Variants in HIBADH observed in about 807,000 individuals in gnomAD.
HIBADH encodes the protein 3-hydroxyisobutyrate dehydrogenase, also known as 3-hydroxyisobutyrate dehydrogenase, mitochondrial.
In HIBADH, 25 loss-of-function variants were observed where a neutral mutation model predicts 36.1. The observed-to-expected ratio is 0.69, with a 90% CI of 0.50 to 0.97. The LOEUF (loss-of-function observed/expected upper bound fraction) is 0.97. HIBADH is among the 50% of genes least tolerant of loss of function. The probability of loss-of-function intolerance (pLI) is 0.00; values close to 1 mark genes in which losing one functional copy is unlikely to be tolerated. For synonymous variants in HIBADH, 160 were observed against 149.5 expected (o/e 1.07, Z -0.51); for missense variants, 421 against 418.0 (o/e 1.01, Z -0.06).
chr7:27,608,423 T>C (rs1785268408), intron 4 of HIBADH, among the ~76,000 whole-genome samples: 1 of 152,236 alleles, frequency 6.6e-6, no homozygotes, highest in South Asian at 2.1e-4. Context: ...CAGAATTTTA[T>C]GGCAAATACA....
At chr7:27,539,081 A>G (rs1784109596) in intron 5 of HIBADH, among the ~76,000 whole-genome samples, 2 of 152,196 alleles carry the variant, frequency 1.3e-5, no homozygotes, top group African/African-American at 4.8e-5. Flanking sequence ...CAGCTATGAA[A>G]GCTAGGGTGG....
At chr7:27,581,043 G>A (rs1451711492) in intron 4 of HIBADH, among the ~76,000 whole-genome samples, 6 of 152,166 alleles carry the variant, frequency 3.9e-5, no homozygotes, top group Non-Finnish European at 8.8e-5. Context: ...CTGACACTGC[G>A]TGAGGATACC....
intron 4 of HIBADH, among the ~76,000 whole-genome samples, chr7:27,607,221 C>CA (rs1446168116): frequency 6.6e-6 from 1 of 150,472 alleles, no homozygotes; most frequent in Non-Finnish European, 1.5e-5. Context: ...ATTTAAAAGT[C>CA]TGCGGCTGGG....
At chr7:27,598,911 C>CA (rs1329304698) in intron 4 of HIBADH, among the ~76,000 whole-genome samples, 1 of 151,080 alleles carries the variant, frequency 6.6e-6, no homozygotes, top group Non-Finnish European at 1.5e-5. Context: ...AGACAGGAAA[C>CA]AAGGACTTCT....
chr7:27,561,958 G>T (rs898541412), intron 4 of HIBADH, among the ~76,000 whole-genome samples: 1 of 151,960 alleles, frequency 6.6e-6, no homozygotes, highest in Non-Finnish European at 1.5e-5. Context: ...AATTTGCATG[G>T]TATGTAAGAA....
chr7:27,559,131 A>G (rs933874959), intron 4 of HIBADH, among the ~76,000 whole-genome samples: 5 of 152,086 alleles, frequency 3.3e-5, no homozygotes, highest in African/African-American at 9.7e-5. Context: ...TCTTCCTTTT[A>G]TGTGTGTGTC....
intron 4 of HIBADH, among the ~76,000 whole-genome samples, chr7:27,626,375 A>G (rs145596027): frequency 3.5e-4 from 54 of 152,344 alleles, no homozygotes; most frequent in African/African-American, 1.3e-3. Context: ...GGTTCTTCAC[A>G]TTGGTTTCAG....
At chr7:27,555,802 C>A (rs1784381328) in intron 4 of HIBADH, among the ~76,000 whole-genome samples, 1 of 152,116 alleles carries the variant, frequency 6.6e-6, no homozygotes, top group Non-Finnish European at 1.5e-5. Flanking sequence ...GCAGTATTTG[C>A]CAAAGTAGAA....
intron 5 of HIBADH, chr7:27,541,751 T>C (rs941923692): frequency 2.3e-6 from 1 of 436,930 alleles, no homozygotes; most frequent in African/African-American, 2.1e-5. Flanking sequence ...GTTTATGGTA[T>C]TGCACTAAAC....
At chr7:27,645,157 G>C (rs2128296365) in intron 2 of HIBADH, among the ~76,000 whole-genome samples, 1 of 151,996 alleles carries the variant, frequency 6.6e-6, no homozygotes, top group Non-Finnish European at 1.5e-5. Flanking sequence ...TATTTCTCTT[G>C]GGTATATAGC....
At chr7:27,588,698 C>A (rs1784898933) in intron 4 of HIBADH, among the ~76,000 whole-genome samples, 1 of 152,188 alleles carries the variant, frequency 6.6e-6, no homozygotes, top group South Asian at 2.1e-4. Context: ...TTTACTAACT[C>A]TATAATTTTG....
intron 7 of HIBADH, among the ~76,000 whole-genome samples, chr7:27,529,220 T>C (rs773516419): frequency 6.6e-6 from 1 of 152,224 alleles, no homozygotes; most frequent in Non-Finnish European, 1.5e-5. Context: ...TTCATGTCTA[T>C]GAACACAACA....
At chr7:27,526,585 T>C (rs974661063) in intron 7 of HIBADH, among the ~76,000 whole-genome samples, 1 of 152,202 alleles carries the variant, frequency 6.6e-6, no homozygotes, top group Non-Finnish European at 1.5e-5. Flanking sequence ...GAGTGTCTCT[T>C]CGATTTTTCC....
At chr7:27,645,798 T>C (rs745311937) in intron 2 of HIBADH, among the ~76,000 whole-genome samples, 1 of 152,200 alleles carries the variant, frequency 6.6e-6, no homozygotes, top group Non-Finnish European at 1.5e-5. Context: ...CCCATTTAAT[T>C]GAGTTACTTG....
chr7:27,565,055 A>C (rs959695055), intron 4 of HIBADH, among the ~76,000 whole-genome samples: 1 of 152,116 alleles, frequency 6.6e-6, no homozygotes, highest in African/African-American at 2.4e-5. Flanking sequence ...TTCATATGCA[A>C]ACCAACCAAT....
intron 1 of HIBADH, among the ~76,000 whole-genome samples, chr7:27,660,924 T>C (rs1786404064): frequency 6.6e-6 from 1 of 152,142 alleles, no homozygotes; most frequent in Non-Finnish European, 1.5e-5. Flanking sequence ...TTCATAACTC[T>C]AAAAGGTACA....
intron 1 of HIBADH, 141 bp from the exon 2 acceptor site, chr7:27,649,774 T>C: frequency 1.5e-6 from 1 of 656,166 alleles, no homozygotes; most frequent in Non-Finnish European, 2.3e-6. Context: ...GGTGCACACC[T>C]ATAATCCCAG....
intron 4 of HIBADH, among the ~76,000 whole-genome samples, chr7:27,626,510 ATAAG>A (rs1785651151): frequency 6.6e-6 from 1 of 152,198 alleles, no homozygotes; most frequent in South Asian, 2.1e-4. Context: ...AGTGGGTCTA[ATAAG>A]TATCAAAATG....
chr7:27,541,625 G>A, intron 5 of HIBADH: 2 of 322,916 alleles, frequency 6.2e-6, no homozygotes. Context: ...CTCAATCCAT[G>A]GTATGTATCA....
Sources: gnomAD v4.1 joint callset for allele counts (sites outside exome capture counted in the v4.1 genomes callset) on GRCh38, gnomAD v4.1.1 for gene constraint, MANE v1.5 for transcripts, NCBI Gene and HGNC (gene_info 2026-07-23, HGNC 2026-07-21) for gene names.